Variants in DPY19L1 observed in about 807,000 individuals in gnomAD.
The protein encoded by DPY19L1 is dpy-19 like C-mannosyltransferase 1.
Under a neutral mutation model 96.9 loss-of-function variants are expected in DPY19L1, and 35 were observed. That is an observed-to-expected ratio of 0.36 (90% confidence interval 0.28 to 0.48). The LOEUF is 0.48. Ranked by LOEUF, DPY19L1 falls within the 20% of genes least tolerant of loss-of-function variation. The pLI is 0.99. For synonymous variants in DPY19L1, 205 were observed against 252.6 expected, an observed-to-expected ratio of 0.81 and a Z score of 1.79; for missense variants, 521 against 777.9, an observed-to-expected ratio of 0.67 and a Z score of 3.93.
chr7:34,987,181 G>A (rs1220785119), intron 7 of DPY19L1, among the ~76,000 whole-genome samples: 2 of 151,924 alleles, frequency 1.3e-5, no homozygotes, highest in Admixed American at 6.6e-5. Flanking sequence ...ACATTTTAAA[G>A]GCAAAACAAA....
intron 18 of DPY19L1, among the ~76,000 whole-genome samples, chr7:34,940,986 A>AT (rs1015022333): frequency 1.6e-4 from 25 of 151,986 alleles, no homozygotes; most frequent in African/African-American, 6.0e-4. Context: ...AGGCTGGCTA[A>AT]TTTTTTCCAC....
intron 6 of DPY19L1, among the ~76,000 whole-genome samples, chr7:35,003,775 G>A (rs1157347585): frequency 6.6e-6 from 1 of 152,216 alleles, no homozygotes; most frequent in African/African-American, 2.4e-5. Flanking sequence ...TGCCTGACAG[G>A]CCTCACAGGG....
At position 35,013,685 on chromosome 7, in the gene DPY19L1, G is replaced by C; in HGVS notation, c.432C>G (p.Phe144Leu). The change falls in exon 4 of 22, where the codon TTC (phenylalanine) becomes TTG (leucine). Residue 144 changes from phenylalanine to leucine, a missense_variant. By Grantham distance (22) the Phe-to-Leu change is conservative (BLOSUM62 0). Coordinates refer to ENST00000638088, the MANE Select transcript of DPY19L1 (RefSeq NM_001366673.1). ...RTEMGLYYSY[F>L]KTIVEAPSFL... ...ATGAGGGTGCTTCCACAATAGTCTT[G>C]AAATAGGAATAATATAGTCCCTGAA... is the stretch of plus-strand genomic sequence containing the variant. 1 of 1,602,412 alleles carries C rather than the reference G, an allele frequency of 6.2e-7. No homozygotes were observed. The highest frequency in any genetic ancestry group is 8.5e-7 in the Non-Finnish European group (1 of 1,171,962).
chr7:34,983,355 C>G (rs1295585111), intron 7 of DPY19L1, among the ~76,000 whole-genome samples: 1 of 151,890 alleles, frequency 6.6e-6, no homozygotes, highest in African/African-American at 2.4e-5. Context: ...CATTAGAAAA[C>G]AGACTTTAAA....
intron 6 of DPY19L1, among the ~76,000 whole-genome samples, chr7:35,006,133 T>G (rs1016975655): frequency 5.9e-5 from 9 of 152,234 alleles, no homozygotes; most frequent in African/African-American, 2.2e-4. Context: ...ACCCTGTTAT[T>G]GTTTGCACTC....
At chr7:34,964,016 G>A (rs1784559794) in intron 10 of DPY19L1, among the ~76,000 whole-genome samples, 2 of 152,044 alleles carry the variant, frequency 1.3e-5, no homozygotes, top group Admixed American at 6.6e-5. Context: ...TGGTGGTGAT[G>A]GTTGTAAAAC....
chr7:35,029,378 G>A (rs1786206953), intron 1 of DPY19L1, among the ~76,000 whole-genome samples: 1 of 152,086 alleles, frequency 6.6e-6, no homozygotes, highest in Non-Finnish European at 1.5e-5. Context: ...TAAACCTAAT[G>A]GAAAAAGTGT....
chr7:34,981,095 A>G (rs1421404576), intron 7 of DPY19L1, among the ~76,000 whole-genome samples: 1 of 152,220 alleles, frequency 6.6e-6, no homozygotes, highest in Non-Finnish European at 1.5e-5. Flanking sequence ...GTTCCTGGAT[A>G]CAAGATTGTA....
At chr7:34,975,038 C>A (rs1031406677) in intron 7 of DPY19L1, among the ~76,000 whole-genome samples, 2 of 152,106 alleles carry the variant, frequency 1.3e-5, no homozygotes, top group African/African-American at 4.8e-5. Context: ...TCCCATCTGT[C>A]TCCCTCCCAT....
At chr7:34,979,265 G>C (rs1280987376) in intron 7 of DPY19L1, among the ~76,000 whole-genome samples, 1 of 152,056 alleles carries the variant, frequency 6.6e-6, no homozygotes, top group Non-Finnish European at 1.5e-5. Flanking sequence ...GATGTTATCA[G>C]TATCAACTCT....
intron 7 of DPY19L1, among the ~76,000 whole-genome samples, chr7:34,981,302 G>A (rs1227958638): frequency 6.6e-6 from 1 of 152,076 alleles, no homozygotes; most frequent in Non-Finnish European, 1.5e-5. Context: ...GGCAGGAGAA[G>A]GGATTTATCT....
chr7:34,948,275 T>C (rs954746924), intron 14 of DPY19L1, among the ~76,000 whole-genome samples: 7 of 152,196 alleles, frequency 4.6e-5, no homozygotes, highest in Non-Finnish European at 7.4e-5. Flanking sequence ...ATTTTGCTTT[T>C]ATACTTTTTT....
chr7:34,935,181 A>C (rs34596634), intron 21 of DPY19L1, among the ~76,000 whole-genome samples: 1 of 152,168 alleles, frequency 6.6e-6, no homozygotes, highest in African/African-American at 2.4e-5. Context: ...AGAGTGAGAC[A>C]CACAGAAAGT....
Position 34,947,629 on chromosome 7 carries a change from C to T in DPY19L1, c.1494+1G>A, listed in dbSNP as rs748878173. ...AAAGAGCTCTTAAGTGATAGACATACCTTTCTAACAATAGCAACAAACACT... is the reference window on the plus strand; with the variant it reads ...AAAGAGCTCTTAAGTGATAGACATATCTTTCTAACAATAGCAACAAACACT... On this transcript the variant is annotated splice_donor_variant, in intron 15 of 21. Coordinates refer to ENST00000638088, the MANE Select transcript of DPY19L1 (RefSeq NM_001366673.1). LOFTEE classifies it high-confidence loss of function. 2 of 1,609,714 alleles carry T rather than the reference C, an allele frequency of 1.2e-6. No individual in the cohort carries two copies. Among genetic ancestry groups the T allele is most frequent in the East Asian group, 2.2e-5 (1 of 44,650 alleles).
intron 4 of DPY19L1, among the ~76,000 whole-genome samples, chr7:35,013,022 A>C (rs951080020): frequency 2.6e-5 from 4 of 152,242 alleles, no homozygotes; most frequent in African/African-American, 9.6e-5. Flanking sequence ...ACAAAGATGC[A>C]GGTAAATAAG....
chr7:35,028,032 T>C (rs1786168940), intron 1 of DPY19L1, among the ~76,000 whole-genome samples: 1 of 152,146 alleles, frequency 6.6e-6, no homozygotes, highest in African/African-American at 2.4e-5. Flanking sequence ...AAAACTTAAT[T>C]ACAATGAAAA....
intron 7 of DPY19L1, among the ~76,000 whole-genome samples, chr7:34,982,845 T>C (rs1784968766): frequency 6.6e-6 from 1 of 152,184 alleles, no homozygotes; most frequent in Admixed American, 6.5e-5. Context: ...CAGAACTCTG[T>C]GAGATCACAA....
Position 34,939,355 on chromosome 7 carries a change from T to G in DPY19L1, c.1885A>C (p.Met629Leu). ...AGCTTAACACTTGCCATCGTGGGCA[T>G]GGCACCCGCAAACACTGCATCTGGA... The part of the protein sequence containing the change: ...TKPDAVFAGA[M>L]PTMASVKLSA... The change falls in exon 20 of 22, where the codon ATG becomes CTG. Residue 629 changes from methionine (M) to leucine (L), a missense_variant. Met to Leu is a conservative substitution (Grantham distance 15). Coordinates refer to ENST00000638088, the MANE Select transcript of DPY19L1 (RefSeq NM_001366673.1). 1 of 1,613,956 alleles carries G rather than the reference T, an allele frequency of 6.2e-7. No homozygotes were observed. Among genetic ancestry groups the G allele is most frequent in the Non-Finnish European group, 8.5e-7 (1 of 1,179,932 alleles).
intron 1 of DPY19L1, among the ~76,000 whole-genome samples, chr7:35,019,373 A>G (rs1475092596): frequency 6.6e-6 from 1 of 152,226 alleles, no homozygotes; most frequent in Non-Finnish European, 1.5e-5. Context: ...CAGGAATTCA[A>G]GGCTGCAGCA....
Sources: allele counts gnomAD v4.1 joint callset (sites outside exome capture counted in the v4.1 genomes callset), GRCh38; gene constraint gnomAD v4.1.1; transcripts MANE v1.5; gene names NCBI Gene and HGNC (gene_info 2026-07-23, HGNC 2026-07-21).